The following C12orf42 variants were observed in gnomAD, a reference collection of about 807,000 sequenced individuals.
C12orf42 encodes uncharacterized protein C12orf42.
C12orf42 carries 25 observed loss-of-function variants against 21.6 expected under a neutral mutation model. That is an observed-to-expected ratio of 1.16 (90% CI 0.84 to 1.62). C12orf42 has a LOEUF of 1.62. C12orf42 is among the 40% of genes most tolerant of loss of function. C12orf42 has a pLI of 0.00. For synonymous variants in C12orf42, 174 were observed against 175.0 expected (o/e 0.99, Z 0.05); for missense variants, 483 against 459.3 (o/e 1.05, Z -0.47).
At chr12:103,513,461 C>T in the C12orf42 span, among the ~76,000 whole-genome samples, 1 of 152,202 alleles carries the variant, frequency 6.6e-6, no homozygotes, top group African/African-American at 2.4e-5. Flanking sequence ...AAATACTCCC[C>T]TCTTTGCTTA....
At chr12:103,395,336 CTTTT>C (rs35914185) in intron 3 of C12orf42, among the ~76,000 whole-genome samples, 1 of 138,306 alleles carries the variant, frequency 7.2e-6, no homozygotes. Context: ...ACCCATTATT[CTTTT>C]TTTTTTTTTT....
the C12orf42 span, among the ~76,000 whole-genome samples, chr12:103,556,568 T>C: frequency 6.6e-6 from 1 of 152,178 alleles, no homozygotes; most frequent in Non-Finnish European, 1.5e-5. Flanking sequence ...TCTAGTAGAA[T>C]TAACCTGGTT....
intron 5 of C12orf42, among the ~76,000 whole-genome samples, chr12:103,275,758 T>TA (rs949677707): frequency 1.3e-5 from 2 of 151,464 alleles, no homozygotes; most frequent in Non-Finnish European, 2.9e-5. Context: ...TTTTTTTTTT[T>TA]ACTCAGGAAA....
At chr12:103,299,180 TA>T (rs1246474497), downstream of C12orf42, among the ~76,000 whole-genome samples, 6 of 151,998 alleles carry the variant, frequency 3.9e-5, no homozygotes, top group Non-Finnish European at 7.4e-5. Flanking sequence ...ATACAGTTTT[TA>T]AAAAAATATT....
chr12:103,300,287 A>T (rs989183164), downstream of C12orf42, among the ~76,000 whole-genome samples: 9 of 152,018 alleles, frequency 5.9e-5, no homozygotes, highest in Non-Finnish European at 2.9e-5. Flanking sequence ...TTATTATGGG[A>T]TTTCTCAGGG....
chr12:103,070,486 A>C, the C12orf42 span, among the ~76,000 whole-genome samples: 22 of 145,432 alleles, frequency 1.5e-4, no homozygotes, highest in East Asian at 3.9e-3. Flanking sequence ...GCATACACAT[A>C]TACATATATA....
At chr12:103,269,500 T>C (rs1414046864) in intron 6 of C12orf42, among the ~76,000 whole-genome samples, 1 of 152,192 alleles carries the variant, frequency 6.6e-6, no homozygotes. Flanking sequence ...ATTTCATTAA[T>C]ATCCCCTGCC....
chr12:103,244,200 A>G (rs568493048), intron 10 of C12orf42, among the ~76,000 whole-genome samples: 1 of 152,228 alleles, frequency 6.6e-6, no homozygotes, highest in East Asian at 1.9e-4. Flanking sequence ...GTCCCATAAC[A>G]TGCACGGATC....
intron 3 of C12orf42, among the ~76,000 whole-genome samples, chr12:103,371,707 A>C (rs373390166): frequency 4.6e-5 from 7 of 152,124 alleles, no homozygotes; most frequent in African/African-American, 1.7e-4. Context: ...GCATGTGTGC[A>C]TGGGCAATCT....
intron 3 of C12orf42, among the ~76,000 whole-genome samples, chr12:103,399,431 C>T (rs1291552942): frequency 6.6e-6 from 1 of 150,600 alleles, no homozygotes; most frequent in East Asian, 1.9e-4. Flanking sequence ...TGAAATGGTG[C>T]AGTCTTGGCT....
the C12orf42 span, among the ~76,000 whole-genome samples, chr12:103,141,733 T>C: frequency 6.6e-6 from 1 of 152,224 alleles, no homozygotes; most frequent in Non-Finnish European, 1.5e-5. Context: ...TTTCACCATG[T>C]TGGCCAGGCT....
chr12:103,542,123 T>C, the C12orf42 span, among the ~76,000 whole-genome samples: 1 of 152,240 alleles, frequency 6.6e-6, no homozygotes. Flanking sequence ...TACAGAAGCA[T>C]ATTCCTGTCA....
chr12:103,428,428 A>C (rs926319809), intron 2 of C12orf42, among the ~76,000 whole-genome samples: 1 of 152,226 alleles, frequency 6.6e-6, no homozygotes, highest in Non-Finnish European at 1.5e-5. Context: ...AAGAAGTCGA[A>C]TCCCTGAATA....
the C12orf42 span, among the ~76,000 whole-genome samples, chr12:103,120,509 G>A: frequency 6.6e-6 from 1 of 152,066 alleles, no homozygotes; most frequent in Non-Finnish European, 1.5e-5. Context: ...CAGAGGCAGA[G>A]GTGAGAAAGA....
chr12:103,153,118 A>G, the C12orf42 span, among the ~76,000 whole-genome samples: 1 of 152,200 alleles, frequency 6.6e-6, no homozygotes, highest in African/African-American at 2.4e-5. Context: ...ATTAAATAGC[A>G]TTACAGAAAA....
intron 10 of C12orf42, among the ~76,000 whole-genome samples, chr12:103,250,302 C>A (rs931497741): frequency 1.3e-5 from 2 of 152,010 alleles, no homozygotes; most frequent in East Asian, 3.9e-4. Context: ...TTTCTCTCTT[C>A]CATGTTGGCT....
intron 10 of C12orf42, among the ~76,000 whole-genome samples, chr12:103,241,172 G>T (rs2033719551): frequency 6.9e-6 from 1 of 145,700 alleles, no homozygotes; most frequent in African/African-American, 2.6e-5. Context: ...GAGAAGCATA[G>T]CTGTTTTGTT....
chr12:103,222,857 T>C, the C12orf42 span, among the ~76,000 whole-genome samples: 1 of 151,328 alleles, frequency 6.6e-6, no homozygotes, highest in African/African-American at 2.4e-5. Flanking sequence ...GTGTAGGGTA[T>C]AAGAAGCATT....
upstream of C12orf42, among the ~76,000 whole-genome samples, chr12:103,498,987 G>A (rs111584764): frequency 2.2e-3 from 339 of 151,884 alleles, 1 homozygote; most frequent in African/African-American, 7.9e-3. Flanking sequence ...ATTTACCTAT[G>A]TAACAAACCT....
Sources: allele counts gnomAD v4.1 joint callset (sites outside exome capture counted in the v4.1 genomes callset), GRCh38; gene constraint gnomAD v4.1.1; transcripts MANE v1.5; gene names NCBI Gene and HGNC (gene_info 2026-07-23, HGNC 2026-07-21).